The following DNAL1 variants were observed in gnomAD, a reference collection of about 807,000 sequenced individuals.
DNAL1 encodes the protein chromosome 14 open reading frame 168.
DNAL1 carries 17 observed loss-of-function variants against 29.4 expected under a neutral mutation model. The ratio of observed to expected loss-of-function variants is 0.58; its 90% CI spans 0.40 to 0.87. The LOEUF is 0.87. DNAL1 is among the 40% of genes least tolerant of loss of function. The pLI is 0.00. For missense variants in DNAL1, 188 were observed against 214.1 expected (o/e 0.88, Z 0.76); for synonymous variants, 78 against 76.3 (o/e 1.02, Z -0.12).
At chr14:73,649,082 TCTC>T (rs930335070) in intron 1 of DNAL1, among the ~76,000 whole-genome samples, 251 of 151,822 alleles carry the variant, frequency 1.7e-3, no homozygotes, top group African/African-American at 5.5e-3. Flanking sequence ...TTCAAGCAAT[TCTC>T]CTCGTCAGCC....
intron 5 of DNAL1, among the ~76,000 whole-genome samples, chr14:73,675,969 G>A (rs1391035250): frequency 3.9e-5 from 6 of 152,032 alleles, no homozygotes; most frequent in East Asian, 1.9e-4. Context: ...AGCCGAGATT[G>A]CGCCATTGCA....
In DNAL1 at chr14:73,703,623, T is replaced by C. The variant is rs1179310467; in HGVS notation, c.*7681T>C. ...ACATTGCTCTTAACTTCAGCGCCTA[T>C]CCCAAAACCTATAAGAACTGATGAT... On this transcript the variant is annotated 3_prime_UTR_variant, in exon 8 of 8. Transcript: ENST00000553645. 1.3e-5 allele frequency: 2 copies of C among 152,178 alleles called. No homozygotes were observed. Among genetic ancestry groups the C allele is most frequent in the Non-Finnish European group, 2.9e-5 (2 of 68,072 alleles). 9.4% of individuals were successfully genotyped at this position (152,178 alleles called of 1,614,324 possible). A position where few individuals can be genotyped will look rare whatever the true frequency, so the allele number is the denominator to read the frequency against.
chr14:73,684,210 GT>G (rs1177548649), intron 5 of DNAL1, among the ~76,000 whole-genome samples: 1 of 152,090 alleles, frequency 6.6e-6, no homozygotes, highest in Non-Finnish European at 1.5e-5. Context: ...GGACACTTAG[GT>G]TGATTCCATA....
chr14:73,669,622 G>A (rs1256724704), intron 4 of DNAL1, among the ~76,000 whole-genome samples: 1 of 152,062 alleles, frequency 6.6e-6, no homozygotes, highest in African/African-American at 2.4e-5. Flanking sequence ...TAAAGGCAGA[G>A]TCTTTCTATG....
chr14:73,658,798 T>A, intron 2 of DNAL1, 49 bp from the exon 3 acceptor site: 1 of 1,438,930 alleles, frequency 6.9e-7, no homozygotes, highest in Non-Finnish European at 9.6e-7. Flanking sequence ...CTCTTTTGTT[T>A]CCACATTGCA....
intron 4 of DNAL1, among the ~76,000 whole-genome samples, chr14:73,666,839 T>C (rs1420487331): frequency 6.6e-6 from 1 of 152,194 alleles, no homozygotes; most frequent in Non-Finnish European, 1.5e-5. Context: ...TTTTCAGTAT[T>C]TGGCTTTAGG....
At chr14:73,650,091 C>G (rs1482931421) in intron 1 of DNAL1, among the ~76,000 whole-genome samples, 2 of 152,090 alleles carry the variant, frequency 1.3e-5, no homozygotes, top group African/African-American at 4.8e-5. Context: ...TCAAATAGTC[C>G]CCCTGCCTCA....
chr14:73,679,171 A>G (rs965800889), intron 5 of DNAL1, among the ~76,000 whole-genome samples: 17 of 151,684 alleles, frequency 1.1e-4, no homozygotes, highest in Admixed American at 9.9e-4. Flanking sequence ...TAATTTTTTT[A>G]TTTTTAGTAG....
In DNAL1 at chr14:73,701,931, TTG is replaced by T. The variant is rs1042851397; in HGVS notation, c.*5993_*5994del. The T allele has an allele frequency of 3.6e-5, 4 of 111,312 alleles. No individual in the cohort carries two copies. Among genetic ancestry groups the T allele is most frequent in the African/African-American group, 1.2e-4 (3 of 25,754 alleles). 6.9% of individuals were successfully genotyped at this position (111,312 alleles called of 1,614,324 possible). ...TGATTTGTTTCAAAATGGTAATAAATTGTGTTATTTTGTAAAAAAAAAAAAAA... is the reference window on the plus strand; with the variant it reads ...TGATTTGTTTCAAAATGGTAATAAATTGTTATTTTGTAAAAAAAAAAAAAA... On this transcript the variant is annotated 3_prime_UTR_variant, in exon 8 of 8. Coordinates refer to ENST00000553645, the MANE Select transcript of DNAL1 (RefSeq NM_031427.4).
At chr14:73,678,247 G>A (rs1268080832) in intron 5 of DNAL1, among the ~76,000 whole-genome samples, 2 of 151,810 alleles carry the variant, frequency 1.3e-5, no homozygotes, top group Non-Finnish European at 2.9e-5. Flanking sequence ...TTTGGAAATT[G>A]ACCAAACACA....
At chr14:73,668,699 C>G (rs928061679) in intron 4 of DNAL1, among the ~76,000 whole-genome samples, 19 of 151,580 alleles carry the variant, frequency 1.3e-4, no homozygotes, top group African/African-American at 4.6e-4. Context: ...TTTTTTGAGA[C>G]AGAGCCTTGC....
At chr14:73,665,218 A>G (rs954393414) in intron 4 of DNAL1, among the ~76,000 whole-genome samples, 3 of 152,196 alleles carry the variant, frequency 2.0e-5, no homozygotes, top group South Asian at 2.1e-4. Flanking sequence ...ACCTTACTCA[A>G]AGTTGGCATT....
intron 3 of DNAL1, among the ~76,000 whole-genome samples, 182 bp from the exon 4 acceptor site, chr14:73,661,805 A>T (rs749366005): frequency 2.0e-5 from 3 of 152,200 alleles, no homozygotes; most frequent in Non-Finnish European, 4.4e-5. Context: ...CAAATTTTTA[A>T]TGAGTGTTAA....
chr14:73,687,401 C>T lies in DNAL1; in HGVS notation c.391+16C>T, dbSNP rs759591409. The T allele has an allele frequency of 1.3e-5, 21 of 1,566,312 alleles. No homozygotes were observed. Among genetic ancestry groups the T allele is most frequent in the Non-Finnish European group, 1.7e-5 (20 of 1,157,398 alleles). On this transcript the variant is annotated intron_variant, in intron 6 of 7. Transcript: ENST00000553645. ...AAAGACTGGGGTAAGCTGAGAGTGG[C>T]CCTTTGCTAACCTTCTACCGCCTGT...
chr14:73,671,660 G>C, intron 5 of DNAL1, 63 bp downstream of exon 5: 2 of 1,328,992 alleles, frequency 1.5e-6, no homozygotes, highest in Non-Finnish European at 2.0e-6. Flanking sequence ...ATAATTTCTT[G>C]GATAAATTCC....
rs1395472107 is a variant in DNAL1, at chr14:73,695,976, A to G, written c.*34A>G. 3.2e-6 allele frequency: 5 copies of G among 1,549,086 alleles called. No homozygotes were observed. On this transcript the variant is annotated 3_prime_UTR_variant, in exon 8 of 8. Transcript: ENST00000553645. ...TTTCCACTGTGTGTTAACTTATTTAAATGTCATAAGAACAATAGATAAATT... is the reference window on the plus strand; with the variant it reads ...TTTCCACTGTGTGTTAACTTATTTAGATGTCATAAGAACAATAGATAAATT...
At chr14:73,650,354 CAT>C (rs1282783073) in intron 1 of DNAL1, among the ~76,000 whole-genome samples, 2 of 151,972 alleles carry the variant, frequency 1.3e-5, no homozygotes, top group East Asian at 1.9e-4. Context: ...ATTTTTTTCA[CAT>C]GTTTTCTATC....
chr14:73,676,091 A>G lies in DNAL1; in HGVS notation c.264+4494A>G, dbSNP rs556001516. On this transcript the variant is annotated intron_variant, in intron 5 of 7. Transcript: ENST00000553645. ...GGAGTCAAAATTTTAATTCTAGGCC[A>G]GGCGTGGTGGCACGTACCTGTAATC... is the stretch of plus-strand genomic sequence containing the variant. 4.7e-4 allele frequency among the ~76,000 whole-genome samples: 72 copies of G among 151,786 alleles called. 1 individual carries two copies. The highest frequency in any genetic ancestry group is 2.5e-3 in the South Asian group (12 of 4,782).
At chr14:73,671,085 A>G (rs1043146478) in intron 4 of DNAL1, among the ~76,000 whole-genome samples, 2 of 152,164 alleles carry the variant, frequency 1.3e-5, no homozygotes, top group African/African-American at 4.8e-5. Flanking sequence ...TAAAAACTTG[A>G]AAGAAAATGA....
Sources: gnomAD v4.1 joint callset for allele counts (sites outside exome capture counted in the v4.1 genomes callset) on GRCh38, gnomAD v4.1.1 for gene constraint, MANE v1.5 for transcripts, NCBI Gene and HGNC (gene_info 2026-07-23, HGNC 2026-07-21) for gene names.